ZNF267: variants seen among roughly 807,000 people sequenced by gnomAD.
ZNF267 encodes the protein zinc finger (C2H2).
A neutral mutation model predicts 71.6 loss-of-function variants in ZNF267; 61 were observed. The ratio of observed to expected loss-of-function variants is 0.85; its 90% CI spans 0.69 to 1.05. ZNF267 has a LOEUF of 1.05. Ranked by LOEUF, ZNF267 falls within the 50% of genes least tolerant of loss-of-function variation. The probability of loss-of-function intolerance (pLI) is 0.00; values close to 1 mark genes in which losing one functional copy is unlikely to be tolerated. For synonymous variants in ZNF267, 288 were observed against 293.2 expected (o/e 0.98, Z 0.18); for missense variants, 852 against 870.0 (o/e 0.98, Z 0.26).
At chr16:31,902,232 C>T (rs2084047302) in intron 3 of ZNF267, among the ~76,000 whole-genome samples, 2 of 152,050 alleles carry the variant, frequency 1.3e-5, no homozygotes, top group Admixed American at 6.5e-5. Flanking sequence ...TAGCATGATG[C>T]CTCCAGCTTT....
chr16:31,915,794 T>C lies in ZNF267; in HGVS notation c.1545T>C (p.Thr515=), dbSNP rs374777310. ...TTACTCAACATCGGAAAATTCATAC[T>C]GGAGAAAATCTTTACAAATGCAAAG... ...SCLTQHRKIH[T]GENLYKCKVC... Residue 515 remains threonine, a synonymous_variant, in exon 4 of 4, where the codon ACT becomes ACC. Transcript: ENST00000300870. The C allele has an allele frequency of 6.2e-7, 1 of 1,613,316 alleles. No homozygotes were observed. Among genetic ancestry groups the C allele is most frequent in the Non-Finnish European group, 8.5e-7 (1 of 1,179,994 alleles).
At chr16:31,875,119 T>C (rs1231759460) in intron 1 of ZNF267, 1 of 1,288,964 alleles carries the variant, frequency 7.8e-7, no homozygotes, top group African/African-American at 1.5e-5. Flanking sequence ...AGAATGTCTT[T>C]TGACTTGAGG....
In ZNF267 at chr16:31,915,285, G is replaced by A. The variant is rs748559916; in HGVS notation, c.1036G>A (p.Glu346Lys). The A allele has an allele frequency of 5.1e-5, 82 of 1,613,672 alleles. No homozygotes were observed. The highest frequency in any genetic ancestry group is 6.6e-5 in the Non-Finnish European group (78 of 1,179,834). ...TACTCAACATCAGATCATTCCTACC[G>A]AAGAGAAACCCTGTAAATGGAAAGA... ...HLTQHQIIPT[E>K]EKPCKWKECG... The change falls in exon 4 of 4, where the codon GAA (glutamate) becomes AAA (lysine). Residue 346 changes from glutamate to lysine, a missense_variant. Physicochemically the swap from Glu to Lys is moderately conservative, Grantham distance 56. Transcript: ENST00000300870.
chr16:31,911,707 T>C (rs1422106475), intron 3 of ZNF267: 1 of 151,416 alleles, frequency 6.6e-6, no homozygotes, highest in Non-Finnish European at 1.5e-5. Context: ...CATTTTGTTA[T>C]TTGTTTTTGC....
intron 3 of ZNF267, among the ~76,000 whole-genome samples, chr16:31,896,663 T>A (rs2084001513): frequency 6.6e-6 from 1 of 152,310 alleles, no homozygotes; most frequent in East Asian, 1.9e-4. Flanking sequence ...TACAATACTG[T>A]TTAGTTTACT....
intron 1 of ZNF267, among the ~76,000 whole-genome samples, chr16:31,875,660 G>A (rs2083847205): frequency 6.6e-6 from 1 of 152,202 alleles, no homozygotes; most frequent in African/African-American, 2.4e-5. Context: ...ATTTTAATGA[G>A]CAGTATTGGG....
chr16:31,891,780 G>C (rs1161688142), intron 3 of ZNF267, among the ~76,000 whole-genome samples: 1 of 152,202 alleles, frequency 6.6e-6, no homozygotes, highest in Non-Finnish European at 1.5e-5. Flanking sequence ...AAATTGCCCA[G>C]TCTTGGCTGT....
In ZNF267 at chr16:31,914,250, G is replaced by C. The variant is rs2084155636; in HGVS notation, c.227-226G>C. On this transcript the variant is annotated intron_variant, in intron 3 of 3. Transcript: ENST00000300870. The stretch of plus-strand genomic sequence containing the variant: ...CATGCAGATGCTGCTGAGGGGCAAG[G>C]GCAAGGTGGCACAAGCACTCCCTTT... The C allele has an allele frequency of 3.4e-5, 16 of 469,284 alleles. No homozygotes were observed. In the South Asian group the frequency reaches 6.3e-4, roughly 18 times the overall value. 29.1% of individuals were successfully genotyped at this position (469,284 alleles called of 1,614,324 possible).
chr16:31,905,557 C>T (rs891027149), intron 3 of ZNF267, among the ~76,000 whole-genome samples: 2 of 152,176 alleles, frequency 1.3e-5, no homozygotes, highest in Non-Finnish European at 2.9e-5. Context: ...CACTGGTACC[C>T]TTTCTTCCAG....
chr16:31,901,125 T>C (rs1471498353), intron 3 of ZNF267, among the ~76,000 whole-genome samples: 1 of 152,174 alleles, frequency 6.6e-6, no homozygotes, highest in Non-Finnish European at 1.5e-5. Flanking sequence ...ACAAAGGACA[T>C]GAACTCATCA....
At chr16:31,898,727 A>G (rs2084017788) in intron 3 of ZNF267, among the ~76,000 whole-genome samples, 1 of 152,042 alleles carries the variant, frequency 6.6e-6, no homozygotes, top group African/African-American at 2.4e-5. Context: ...CCCTTATTGT[A>G]TTTTATTGAG....
intron 1 of ZNF267, among the ~76,000 whole-genome samples, chr16:31,878,240 G>A (rs1472488519): frequency 6.6e-6 from 1 of 152,190 alleles, no homozygotes; most frequent in Non-Finnish European, 1.5e-5. Flanking sequence ...GAGAGGCTGT[G>A]TTCTGCACAC....
At chr16:31,876,695 T>G (rs1449416099) in intron 1 of ZNF267, among the ~76,000 whole-genome samples, 1 of 152,248 alleles carries the variant, frequency 6.6e-6, no homozygotes, top group Non-Finnish European at 1.5e-5. Flanking sequence ...TCACTTTCCT[T>G]TATTCTATAA....
Position 31,915,784 on chromosome 16 carries a change from A to G in ZNF267, c.1535A>G (p.Lys512Arg). ...SRSSCLTQHRKIHTGENLYKC... is the reference protein window; with the variant it reads ...SRSSCLTQHRRIHTGENLYKC... ...AGTTCTTGCCTTACTCAACATCGGA[A>G]AATTCATACTGGAGAAAATCTTTAC... is the stretch of plus-strand genomic sequence containing the variant. Residue 512 changes from lysine to arginine, a missense_variant, in exon 4 of 4, where the codon AAA becomes AGA. Transcript: ENST00000300870. 6.2e-7 allele frequency: 1 copy of G among 1,612,856 alleles called. No homozygotes were observed. The highest frequency in any genetic ancestry group is 8.5e-7 in the Non-Finnish European group (1 of 1,179,888).
At chr16:31,893,796 G>C (rs1342669355) in intron 3 of ZNF267, among the ~76,000 whole-genome samples, 1 of 152,214 alleles carries the variant, frequency 6.6e-6, no homozygotes, top group Admixed American at 6.5e-5. Flanking sequence ...ACCACAGATA[G>C]ATTTTTTTCC....
Position 31,916,934 on chromosome 16 carries a change from G to A in ZNF267, c.*453G>A, listed in dbSNP as rs2084183082. ...ACTAAATAAGAGTATTTTTTGTACA[G>A]AATAATCTAAAGGCAAAATAATTAG... On this transcript the variant is annotated 3_prime_UTR_variant, in exon 4 of 4. Transcript: ENST00000300870. The A allele has an allele frequency of 6.4e-6, 1 of 156,706 alleles. No individual in the cohort carries two copies. Among genetic ancestry groups the A allele is most frequent in the East Asian group, 1.9e-4 (1 of 5,266 alleles). The allele number at this position is 156,706 out of a possible 1,614,324, so 9.7% of individuals were successfully genotyped here.
chr16:31,903,403 G>A (rs1364306751), intron 3 of ZNF267, among the ~76,000 whole-genome samples: 2 of 152,122 alleles, frequency 1.3e-5, no homozygotes, highest in African/African-American at 4.8e-5. Flanking sequence ...ATTCAGCTGT[G>A]AATCCATCTG....
intron 3 of ZNF267, among the ~76,000 whole-genome samples, chr16:31,887,829 C>T (rs1449384662): frequency 6.6e-6 from 1 of 151,956 alleles, no homozygotes; most frequent in Non-Finnish European, 1.5e-5. Flanking sequence ...TAGCTTTATT[C>T]TTCTTTTTCA....
chr16:31,897,988 A>G (rs947078758), intron 3 of ZNF267, among the ~76,000 whole-genome samples: 1 of 152,092 alleles, frequency 6.6e-6, no homozygotes, highest in African/African-American at 2.4e-5. Flanking sequence ...AATTGTCTTT[A>G]GTGTTCAAGT....
Sources: allele counts gnomAD v4.1 joint callset (sites outside exome capture counted in the v4.1 genomes callset), GRCh38; gene constraint gnomAD v4.1.1; transcripts MANE v1.5; gene names NCBI Gene and HGNC (gene_info 2026-07-23, HGNC 2026-07-21).